The following LRRC7 variants were observed in gnomAD, a reference collection of about 807,000 sequenced individuals.
The protein encoded by LRRC7 is leucine rich repeat containing 7.
In LRRC7, 23 loss-of-function variants were observed where a neutral mutation model predicts 175.7. That is an observed-to-expected ratio of 0.13 (90% CI 0.09 to 0.19). The LOEUF is 0.19. Ranked by LOEUF, LRRC7 falls within the 10% of genes least tolerant of loss-of-function variation. The probability of loss-of-function intolerance (pLI) is 1.00; values close to 1 mark genes in which losing one functional copy is unlikely to be tolerated. For missense variants in LRRC7, 1,354 were observed against 1,904.7 expected (o/e 0.71, Z 5.38); for synonymous variants, 685 against 680.9 (o/e 1.01, Z -0.09).
chr1:69,830,770 G>T (rs1272368030), intron 5 of LRRC7, among the ~76,000 whole-genome samples: 2 of 151,780 alleles, frequency 1.3e-5, no homozygotes, highest in Non-Finnish European at 3.0e-5. Context: ...CTATGTAATC[G>T]TATTCTTAAC....
chr1:69,972,705 T>C (rs557164766), intron 8 of LRRC7, among the ~76,000 whole-genome samples: 3 of 152,046 alleles, frequency 2.0e-5, no homozygotes, highest in Non-Finnish European at 4.4e-5. Flanking sequence ...TGGAAAACAG[T>C]GTGGTGATTC....
intron 7 of LRRC7, chr1:69,874,064 A>G (rs1260180979): frequency 6.6e-6 from 1 of 152,158 alleles, no homozygotes; most frequent in Non-Finnish European, 1.5e-5. Flanking sequence ...CTTATTTTGC[A>G]AAGTTCCCAG....
rs1207207287 is a variant in LRRC7 at position 70,013,130 on chromosome 1, C to G, written c.1250+41C>G. The G allele has an allele frequency of 2.4e-6, 3 of 1,245,776 alleles. No individual in the cohort carries two copies. In the African/African-American group the frequency reaches 4.6e-5, roughly 19 times the overall value. 77.2% of individuals were successfully genotyped at this position (1,245,776 alleles called of 1,614,324 possible). On this transcript the variant is annotated intron_variant, in intron 13 of 26. Transcript: ENST00000651989. The stretch of plus-strand genomic sequence containing the variant: ...TTCACAATCACATATTAGTTATTTG[C>G]TGAAAGCAAATTATAGTTTTTTTGC...
At position 69,856,140 on chromosome 1, in the gene LRRC7, C is replaced by T. The variant is rs562935361; in HGVS notation, c.647+17857C>T. On this transcript the variant is annotated intron_variant, in intron 7 of 26. Transcript: ENST00000651989. ...GCCCATTTACATTTAAGGTTAATAC[C>T]GTTATGTGTGAATTTGATCCTGTCA... Among the ~76,000 whole-genome samples the T allele has an allele frequency of 9.9e-5, 15 of 152,056 alleles. No individual in the cohort carries two copies. The East Asian group carries it at 1.2e-3, about 12-fold the overall frequency.
intron 1 of LRRC7, among the ~76,000 whole-genome samples, chr1:69,621,033 C>T (rs1650479844): frequency 6.8e-6 from 1 of 147,556 alleles, no homozygotes; most frequent in Non-Finnish European, 1.5e-5. Flanking sequence ...ATATTTCTTT[C>T]TTCTTTTTTT....
intron 7 of LRRC7, among the ~76,000 whole-genome samples, chr1:69,863,084 TG>T (rs2101541939): frequency 6.6e-6 from 1 of 152,360 alleles, no homozygotes; most frequent in African/African-American, 2.4e-5. Flanking sequence ...TTAGATCCTA[TG>T]AATCATCTTA....
rs1553150708 is a variant in LRRC7, at chr1:69,750,093, T to TAATA, written c.101-10096_101-10093dup. On this transcript the variant is annotated intron_variant, in intron 2 of 26. Coordinates refer to ENST00000651989, the MANE Select transcript of LRRC7 (RefSeq NM_001370785.2). ...ATAAATAAATAAATAAATAAATAAA[T>TAATA]AATAATAACTGAAAAGTGAGGTTAA... 1.7e-3 allele frequency among the ~76,000 whole-genome samples: 247 copies of TAATA among 142,184 alleles called. 2 individuals are homozygous for TAATA. The highest frequency in any genetic ancestry group is 3.6e-3 in the Admixed American group (51 of 14,108). 93.3% of individuals were successfully genotyped at this position (142,184 alleles called of 152,430 possible).
chr1:69,925,279 T>C (rs1647029719), intron 7 of LRRC7, among the ~76,000 whole-genome samples: 1 of 152,192 alleles, frequency 6.6e-6, no homozygotes, highest in Non-Finnish European at 1.5e-5. Context: ...GGTGTGTCTC[T>C]GCCTGGCTTT....
Position 69,581,849 on chromosome 1 carries a change from G to A in LRRC7, c.2+13208G>A, listed in dbSNP as rs1569673862. Among the ~76,000 whole-genome samples the A allele has an allele frequency of 2.0e-5, 3 of 152,154 alleles. No individual in the cohort carries two copies. In the East Asian group the frequency reaches 5.8e-4, roughly 29 times the overall value. On this transcript the variant is annotated intron_variant, in intron 1 of 26. Coordinates refer to ENST00000651989, the MANE Select transcript of LRRC7 (RefSeq NM_001370785.2). ...ACTCACTATGCTTTACAGTTTGGAA[G>A]GGCAATTTACTCCTGGTCCTTTTAT...
At chr1:69,835,112 A>G (rs796489379) in intron 6 of LRRC7, among the ~76,000 whole-genome samples, 3 of 152,138 alleles carry the variant, frequency 2.0e-5, no homozygotes, top group African/African-American at 7.2e-5. Context: ...TATAAAAAAA[A>G]ATAAAGCCAG....
At chr1:69,795,409 C>A (rs576265680) in intron 4 of LRRC7, among the ~76,000 whole-genome samples, 1 of 150,142 alleles carries the variant, frequency 6.7e-6, no homozygotes, top group Non-Finnish European at 1.5e-5. Context: ...GATTCTGTGA[C>A]AGAAAACTAG....
rs143220875 is a variant in LRRC7 at position 69,935,106 on chromosome 1, T to C, written c.711+3536T>C. ...GGGAATTCAAAGAAAGCAGCATGGG[T>C]AGGGACCCACTGACCCACAGTGGCA... is the stretch of plus-strand genomic sequence containing the variant. On this transcript the variant is annotated intron_variant, in intron 8 of 26. Coordinates refer to ENST00000651989, the MANE Select transcript of LRRC7 (RefSeq NM_001370785.2). Among the ~76,000 whole-genome samples the C allele has an allele frequency of 3.9e-3, 597 of 152,116 alleles. 3 individuals are homozygous for C. Among genetic ancestry groups the C allele is most frequent in the African/African-American group, 0.013 (552 of 41,484 alleles).
rs567021549 is a variant in LRRC7, at chr1:69,801,147, A to G, written c.421+8987A>G. On this transcript the variant is annotated intron_variant, in intron 4 of 26. Transcript: ENST00000651989. Reference sequence around the variant, plus strand: ...CTAGTATTTTGTTGAGAATTTTTGCATCTATGTTCACAAGGATATTGATCT... The same window carrying G: ...CTAGTATTTTGTTGAGAATTTTTGCGTCTATGTTCACAAGGATATTGATCT... 2.0e-5 allele frequency among the ~76,000 whole-genome samples: 3 copies of G among 151,868 alleles called. No individual in the cohort carries two copies. In the South Asian group the frequency reaches 6.2e-4, roughly 32 times the overall value.
chr1:69,699,548 G>A (rs974648710), intron 2 of LRRC7, among the ~76,000 whole-genome samples: 10 of 150,530 alleles, frequency 6.6e-5, no homozygotes, highest in Non-Finnish European at 1.2e-4. Context: ...AAAAAAAAGA[G>A]AGAGAATCCC....
At position 69,678,422 on chromosome 1, in the gene LRRC7, A is replaced by G. The variant is rs1186546443; in HGVS notation, c.44A>G (p.Gln15Arg). 2 of 1,605,486 alleles carry G rather than the reference A, an allele frequency of 1.2e-6. No homozygotes were observed. The highest frequency in any genetic ancestry group is 3.4e-5 in the Admixed American group (2 of 59,122). The change falls in exon 2 of 27, where the codon CAG (glutamine) becomes CGG (arginine). Residue 15 changes from glutamine to arginine, a missense_variant. Physicochemically the swap from Gln to Arg is conservative, Grantham distance 43. Around this residue, in one of 4 missense-constraint regions of LRRC7, gnomAD observed 68 missense variants for 83.4 expected, o/e 0.82. Transcript: ENST00000651989. ...AGGGGAAGGAATCCCCCGCAATACCAGAGAAGTCCTTGTAAAGAGGTTCGT... is the reference window on the plus strand; with the variant it reads ...AGGGGAAGGAATCCCCCGCAATACCGGAGAAGTCCTTGTAAAGAGGTTCGT... ...LIRGRNPPQYQRSPCKEVRAA... is the reference protein window; with the variant it reads ...LIRGRNPPQYRRSPCKEVRAA...
chr1:69,615,970 C>A (rs555020366), intron 1 of LRRC7, among the ~76,000 whole-genome samples: 84 of 151,970 alleles, frequency 5.5e-4, no homozygotes, highest in Non-Finnish European at 9.7e-4. Context: ...AACTTAATCA[C>A]GAATTATGTA....
intron 9 of LRRC7, among the ~76,000 whole-genome samples, chr1:69,985,369 A>G (rs1486332251): frequency 4.6e-5 from 7 of 152,208 alleles, no homozygotes; most frequent in Non-Finnish European, 8.8e-5. Flanking sequence ...AACCTTTCTT[A>G]TGCATTTGAA....
intron 1 of LRRC7, among the ~76,000 whole-genome samples, chr1:69,661,188 C>T (rs1455725241): frequency 6.6e-6 from 1 of 152,002 alleles, no homozygotes; most frequent in Non-Finnish European, 1.5e-5. Context: ...TTTTAATGCT[C>T]GTGGAACTAA....
chr1:69,716,702 G>T (rs1665388874), intron 2 of LRRC7, among the ~76,000 whole-genome samples: 1 of 151,758 alleles, frequency 6.6e-6, no homozygotes, highest in Non-Finnish European at 1.5e-5. Flanking sequence ...TGAAATCCAG[G>T]CACAAAGCGG....
Sources: gnomAD v4.1 joint callset for allele counts (sites outside exome capture counted in the v4.1 genomes callset) on GRCh38, gnomAD v4.1.1 for gene constraint, gnomAD v4.1.1 regional missense constraint, MANE v1.5 for transcripts, NCBI Gene and HGNC (gene_info 2026-07-23, HGNC 2026-07-21) for gene names.